Variants in RBFOX1 observed in about 807,000 individuals in gnomAD.
The protein encoded by RBFOX1 is RNA binding protein fox-1 homolog 1.
A neutral mutation model predicts 57.7 loss-of-function variants in RBFOX1; 8 were observed. The ratio of observed to expected loss-of-function variants is 0.14; its 90% CI spans 0.08 to 0.25. The LOEUF (loss-of-function observed/expected upper bound fraction) is 0.25, where lower values mean the gene tolerates loss of function less well. Ranked by LOEUF, RBFOX1 falls within the 10% of genes least tolerant of loss-of-function variation. The probability of loss-of-function intolerance (pLI) is 1.00; values close to 1 mark genes in which losing one functional copy is unlikely to be tolerated. For synonymous variants in RBFOX1, 326 were observed against 222.4 expected, an observed-to-expected ratio of 1.47 and a Z score of -4.15; for missense variants, 611 against 548.5, an observed-to-expected ratio of 1.11 and a Z score of -1.14.
In RBFOX1 at chr16:6,824,134, GT is replaced by G. The variant is rs775621705; in HGVS notation, c.-16+169486del. Among the ~76,000 whole-genome samples, 8 of 152,336 alleles carry G rather than the reference GT, an allele frequency of 5.3e-5. No individual in the cohort carries two copies. In the East Asian group the frequency reaches 1.5e-3, roughly 29 times the overall value. On this transcript the variant is annotated intron_variant, in intron 3 of 15. Coordinates refer to ENST00000550418, the MANE Select transcript of RBFOX1 (RefSeq NM_018723.4). Reference sequence around the variant, plus strand: ...GTAAATAGTTATTTGGCTAGGCGCTGTTGCTGGCGCCTGTAATCCCAGCACT... The same window carrying G: ...GTAAATAGTTATTTGGCTAGGCGCTGTGCTGGCGCCTGTAATCCCAGCACT...
chr16:6,085,380 C>G (rs567836164), intron 1 of RBFOX1, among the ~76,000 whole-genome samples: 1 of 152,222 alleles, frequency 6.6e-6, no homozygotes, highest in East Asian at 1.9e-4. Flanking sequence ...TCAAGCGATT[C>G]TCCTGCCTCA....
intron 3 of RBFOX1, among the ~76,000 whole-genome samples, chr16:5,848,694 C>G (rs1366070106): frequency 6.6e-6 from 1 of 152,132 alleles, no homozygotes; most frequent in East Asian, 1.9e-4. Flanking sequence ...TGCCTGTAAA[C>G]CCAGCACTTT....
intron 4 of RBFOX1, among the ~76,000 whole-genome samples, chr16:5,880,490 G>A (rs1038874433): frequency 2.0e-5 from 3 of 152,164 alleles, no homozygotes; most frequent in Non-Finnish European, 2.9e-5. Context: ...TCCATATTCT[G>A]CATCGTATTT....
rs897725848 is a variant in RBFOX1 at position 6,811,750 on chromosome 16, G to A, written c.-16+157100G>A. 3.9e-4 allele frequency among the ~76,000 whole-genome samples: 59 copies of A among 152,130 alleles called. 2 individuals carry two copies. Among genetic ancestry groups the A allele is most frequent in the African/African-American group, 1.4e-4 (6 of 41,418 alleles). On this transcript the variant is annotated intron_variant, in intron 3 of 15. Coordinates refer to ENST00000550418, the MANE Select transcript of RBFOX1 (RefSeq NM_018723.4). ...TCAAAAATACAGAAATTAGCTGGGC[G>A]TGGTAGTGCACGCCTGTAATCCCAA...
chr16:7,701,219 GTTT>G (rs1424367281), intron 14 of RBFOX1, among the ~76,000 whole-genome samples: 8 of 152,298 alleles, frequency 5.3e-5, no homozygotes, highest in African/African-American at 1.7e-4. Context: ...TCCACTTCTA[GTTT>G]TATCATTTTT....
At position 7,653,924 on chromosome 16, in the gene RBFOX1, G is replaced by C; in HGVS notation, c.867G>C (p.Pro289=). 6.4e-7 allele frequency: 1 copy of C among 1,559,530 alleles called. No individual in the cohort carries two copies. ...VYNTFRAAAP[P]PPIPAYGGVV... is the part of the protein sequence containing the mutation. The stretch of plus-strand genomic sequence containing the variant: ...ACACCTTCAGGGCCGCGGCGCCCCC[G>C]CCCCCGATCCCGGCCTACGGCGGGT... The change falls in exon 12 of 16, where the codon CCG becomes CCC. Residue 289 remains proline, a synonymous_variant. Transcript: ENST00000550418.
chr16:5,902,462 G>A (rs2152184660), intron 4 of RBFOX1, among the ~76,000 whole-genome samples: 1 of 152,138 alleles, frequency 6.6e-6, no homozygotes, highest in East Asian at 1.9e-4. Context: ...CACCCAGACT[G>A]GAGCGTAGTG....
chr16:6,979,046 A>T (rs1302853602), intron 3 of RBFOX1, among the ~76,000 whole-genome samples: 1 of 152,208 alleles, frequency 6.6e-6, no homozygotes, highest in Non-Finnish European at 1.5e-5. Flanking sequence ...TACAAAAGTT[A>T]TTATGAAAGC....
chr16:5,983,915 T>TCCTCCTCCTCCCCTTCCTCCTCCC (rs2060225654), intron 4 of RBFOX1, among the ~76,000 whole-genome samples: 1 of 123,574 alleles, frequency 8.1e-6, no homozygotes, highest in Non-Finnish European at 1.7e-5. Context: ...CTCCTCCTCT[T>TCCTCCTCCTCCCCTTCCTCCTCCC]CCTCCTCCTC....
rs1032392646 is a variant in RBFOX1, at chr16:5,724,533, C to T, written c.318+125572C>T. On this transcript the variant is annotated intron_variant, in intron 3 of 19. Transcript: ENST00000641259. ...ACCCATTACCTACCCACTGTGAGAG[C>T]TTAGGGAAGGCATCTGACATCTCTT... Among the ~76,000 whole-genome samples the T allele has an allele frequency of 2.0e-5, 3 of 152,270 alleles. 1 individual carries two copies. The highest frequency in any genetic ancestry group is 2.4e-5 in the African/African-American group (1 of 41,542).
chr16:6,979,127 C>CA (rs1042711650), intron 3 of RBFOX1, among the ~76,000 whole-genome samples: 3 of 152,064 alleles, frequency 2.0e-5, no homozygotes, highest in Admixed American at 6.5e-5. Flanking sequence ...AAAATTGTAC[C>CA]AAAAATCAGA....
chr16:5,962,154 A>C (rs1458864965), intron 4 of RBFOX1, among the ~76,000 whole-genome samples: 1 of 152,166 alleles, frequency 6.6e-6, no homozygotes, highest in Non-Finnish European at 1.5e-5. Context: ...GATTTTCCAG[A>C]GATCTCACAT....
At chr16:6,369,803 G>C (rs753047461) in intron 2 of RBFOX1, among the ~76,000 whole-genome samples, 13 of 152,106 alleles carry the variant, frequency 8.5e-5, no homozygotes, top group Non-Finnish European at 7.3e-5. Flanking sequence ...ACTTCAGTGT[G>C]TTCCTAAAAA....
intron 1 of RBFOX1, among the ~76,000 whole-genome samples, chr16:5,420,844 C>T (rs1310770002): frequency 6.7e-6 from 1 of 150,358 alleles, no homozygotes; most frequent in Non-Finnish European, 1.5e-5. Flanking sequence ...CCATCGTCTA[C>T]CACCACCTCC....
chr16:6,841,998 C>G (rs1423954758), intron 3 of RBFOX1, among the ~76,000 whole-genome samples: 1 of 151,354 alleles, frequency 6.6e-6, no homozygotes, highest in African/African-American at 2.4e-5. Context: ...AAAAAATTAG[C>G]CGGGCGTGGT....
At chr16:7,256,750 G>A (rs2094701528) in intron 4 of RBFOX1, among the ~76,000 whole-genome samples, 1 of 152,184 alleles carries the variant, frequency 6.6e-6, no homozygotes. Flanking sequence ...CCAAATGTCA[G>A]TAATACGGTT....
chr16:7,642,391 C>T (rs2062979982), intron 11 of RBFOX1, among the ~76,000 whole-genome samples: 1 of 152,184 alleles, frequency 6.6e-6, no homozygotes, highest in Non-Finnish European at 1.5e-5. Flanking sequence ...GCTATCCCCA[C>T]AGCTATGGCT....
At position 5,564,241 on chromosome 16, in the gene RBFOX1, C is replaced by T. The variant is rs367771141; in HGVS notation, c.259-34661C>T. ...CTGTGTTGGCCAGGCTGGTCTTGAACTCCTGACCTCAGGTAATCCACCTGC... is the reference window on the plus strand; with the variant it reads ...CTGTGTTGGCCAGGCTGGTCTTGAATTCCTGACCTCAGGTAATCCACCTGC... On this transcript the variant is annotated intron_variant, in intron 2 of 2. Coordinates refer to the RBFOX1 transcript ENST00000585867. Among the ~76,000 whole-genome samples the T allele has an allele frequency of 4.9e-3, 747 of 152,064 alleles. 4 individuals are homozygous for T. The highest frequency in any genetic ancestry group is 0.016 in the African/African-American group (682 of 41,474).
Position 6,680,518 on chromosome 16 carries a change from C to T in RBFOX1, c.-16+25868C>T, listed in dbSNP as rs2058491413. On this transcript the variant is annotated intron_variant, in intron 3 of 15. Transcript: ENST00000550418. Reference sequence around the variant, plus strand: ...GACCTCATGATCCGCCTGCCTCGGCCTCCCAAAGTGCTGGGATTACAGGCG... The same window carrying T: ...GACCTCATGATCCGCCTGCCTCGGCTTCCCAAAGTGCTGGGATTACAGGCG... 5.3e-5 allele frequency among the ~76,000 whole-genome samples: 8 copies of T among 152,240 alleles called. No individual in the cohort carries two copies. In the South Asian group the frequency reaches 1.7e-3, roughly 32 times the overall value.
Sources: gnomAD v4.1 joint callset for allele counts (sites outside exome capture counted in the v4.1 genomes callset) on GRCh38, gnomAD v4.1.1 for gene constraint, MANE v1.5 for transcripts, NCBI Gene and HGNC (gene_info 2026-07-23, HGNC 2026-07-21) for gene names.